Variants in MCCC1 observed in about 807,000 individuals in gnomAD.
The protein encoded by MCCC1 is methylcrotonyl-CoA carboxylase subunit 1.
In MCCC1, 64 loss-of-function variants were observed where a neutral mutation model predicts 83.8. The ratio of observed to expected loss-of-function variants is 0.76; its 90% CI spans 0.62 to 0.94. The LOEUF (loss-of-function observed/expected upper bound fraction) is 0.94. Ranked by LOEUF, MCCC1 falls within the 40% of genes least tolerant of loss-of-function variation. The probability of loss-of-function intolerance (pLI) is 0.00; values close to 1 mark genes in which losing one functional copy is unlikely to be tolerated. For synonymous variants in MCCC1, 322 were observed against 315.4 expected, an observed-to-expected ratio of 1.02 and a Z score of -0.22; for missense variants, 807 against 904.7, an observed-to-expected ratio of 0.89 and a Z score of 1.39.
intron 7 of MCCC1, among the ~76,000 whole-genome samples, chr3:183,063,665 C>A (rs1207658736): frequency 6.6e-6 from 1 of 152,156 alleles, no homozygotes; most frequent in African/African-American, 2.4e-5. Flanking sequence ...GCCCTGAATT[C>A]TTTCTTGTGT....
upstream of MCCC1, among the ~76,000 whole-genome samples, chr3:183,100,162 G>A (rs952498668): frequency 6.6e-6 from 1 of 152,164 alleles, no homozygotes; most frequent in Admixed American, 6.5e-5. Flanking sequence ...ATCAGAAATA[G>A]AGAAAAATGC....
intron 16 of MCCC1, among the ~76,000 whole-genome samples, chr3:183,021,274 GAGTGCAGTGGCAC>G (rs1385364292): frequency 6.6e-6 from 1 of 152,110 alleles, no homozygotes; most frequent in Non-Finnish European, 1.5e-5. Flanking sequence ...ACCCAGGCTG[GAGTGCAGTGGCAC>G]AATCATAGCT....
Position 183,068,988 on chromosome 3 carries a change from T to C in MCCC1, c.761+2011A>G, listed in dbSNP as rs1171041102. Among the ~76,000 whole-genome samples, 8 of 152,332 alleles carry C rather than the reference T, an allele frequency of 5.3e-5. No individual in the cohort carries two copies. The South Asian group carries it at 1.7e-3, about 32-fold the overall frequency. ...GCCTAACAATGCATTTCTCAGAATGTATCTCTGTCATTAAGCAACACATGA... is the reference window on the plus strand; with the variant it reads ...GCCTAACAATGCATTTCTCAGAATGCATCTCTGTCATTAAGCAACACATGA... On this transcript the variant is annotated intron_variant, in intron 7 of 18. Transcript: ENST00000265594.
At chr3:183,071,971 C>A (rs924254250) in intron 5 of MCCC1, among the ~76,000 whole-genome samples, 5 of 150,956 alleles carry the variant, frequency 3.3e-5, no homozygotes, top group Admixed American at 3.3e-4. Context: ...TGGGCTCAAG[C>A]AATCCTCCCA....
At chr3:183,075,622 C>A (rs1717014052) in intron 4 of MCCC1, among the ~76,000 whole-genome samples, 1 of 149,548 alleles carries the variant, frequency 6.7e-6, no homozygotes, top group Non-Finnish European at 1.5e-5. Flanking sequence ...CTCATTGCAA[C>A]CTCTGCTTCC....
chr3:183,040,148 G>A (rs1186687407), intron 11 of MCCC1, among the ~76,000 whole-genome samples: 1 of 138,190 alleles, frequency 7.2e-6, no homozygotes, highest in Non-Finnish European at 1.5e-5. Context: ...GGTGGGGCAA[G>A]CAGAGTTAAG....
chr3:183,024,364 C>A (rs1162393557), intron 15 of MCCC1, among the ~76,000 whole-genome samples: 1 of 152,104 alleles, frequency 6.6e-6, no homozygotes, highest in Non-Finnish European at 1.5e-5. Context: ...ATAATGTTAT[C>A]ACTCTGATGG....
At chr3:183,069,691 T>C (rs1716513576) in intron 7 of MCCC1, among the ~76,000 whole-genome samples, 1 of 152,206 alleles carries the variant, frequency 6.6e-6, no homozygotes, top group African/African-American at 2.4e-5. Context: ...GGTAAATCTC[T>C]TTCCAGTCAT....
chr3:183,100,991 A>G (rs564207946), upstream of MCCC1, among the ~76,000 whole-genome samples: 1,547 of 152,320 alleles, frequency 0.01, 13 homozygotes, highest in Non-Finnish European at 0.014. Flanking sequence ...CGCACTCGGA[A>G]CAGCCAGCCA....
intron 1 of MCCC1, among the ~76,000 whole-genome samples, chr3:183,111,952 C>A (rs1225240254): frequency 6.6e-6 from 1 of 151,874 alleles, no homozygotes; most frequent in African/African-American, 2.4e-5. Flanking sequence ...TAAAATATAT[C>A]GCCATTTTTG....
In MCCC1 at chr3:183,072,420, C is replaced by G. The variant is rs771446149; in HGVS notation, c.437G>C (p.Gly146Ala). The change falls in exon 5 of 19, where the codon GGA (glycine) becomes GCA (alanine). Residue 146 changes from glycine (G) to alanine (A), a missense_variant. Transcript: ENST00000265594. ...MEFAELCKQE[G>A]IIFIGPPPSA... ...TGGAGGAGGGCCTATAAAAATAATT[C>G]CTTCTTGCTTACAAAGTTCAGCAAA... 5 of 1,613,716 alleles carry G rather than the reference C, an allele frequency of 3.1e-6. No homozygotes were observed. The highest frequency in any genetic ancestry group is 4.2e-6 in the Non-Finnish European group (5 of 1,179,830).
At chr3:183,081,872 C>T (rs1717524255) in intron 4 of MCCC1, among the ~76,000 whole-genome samples, 1 of 152,130 alleles carries the variant, frequency 6.6e-6, no homozygotes, top group Admixed American at 6.5e-5. Flanking sequence ...CAGGTGGGAG[C>T]CAGGACACAG....
chr3:183,073,389 A>C (rs1023456306), intron 4 of MCCC1, among the ~76,000 whole-genome samples: 4 of 152,244 alleles, frequency 2.6e-5, no homozygotes, highest in Admixed American at 1.3e-4. Context: ...ACACTAGCTC[A>C]ATAAATACCT....
At chr3:183,086,205 C>G (rs1717878709) in intron 4 of MCCC1, among the ~76,000 whole-genome samples, 1 of 152,212 alleles carries the variant, frequency 6.6e-6, no homozygotes, top group Non-Finnish European at 1.5e-5. Context: ...TCCAACCACA[C>G]TGAACATTCT....
chr3:183,104,426 C>T (rs1280036098), upstream of MCCC1, among the ~76,000 whole-genome samples: 1 of 152,052 alleles, frequency 6.6e-6, no homozygotes, highest in Non-Finnish European at 1.5e-5. Context: ...CCAGAGAAAG[C>T]TTCTCTAAGT....
intron 14 of MCCC1, 71 bp from the exon 15 acceptor site, chr3:183,025,875 G>C (rs1312971325): frequency 9.7e-6 from 13 of 1,343,420 alleles, no homozygotes; most frequent in Non-Finnish European, 1.3e-5. Context: ...GAGATATAAA[G>C]AATCTCACTC....
chr3:183,108,979 TTTTG>T (rs377130313), intron 1 of MCCC1, among the ~76,000 whole-genome samples: 26 of 152,168 alleles, frequency 1.7e-4, no homozygotes, highest in South Asian at 6.2e-4. Context: ...TTGTGGGGTT[TTTTG>T]TTTGTTTGTT....
chr3:183,105,623 G>A (rs578158960), intron 1 of MCCC1, among the ~76,000 whole-genome samples: 8 of 151,946 alleles, frequency 5.3e-5, no homozygotes, highest in East Asian at 3.9e-4. Flanking sequence ...CATCTTTTGC[G>A]TTTCGTACCT....
intron 1 of MCCC1, among the ~76,000 whole-genome samples, chr3:183,108,304 A>T (rs1719439123): frequency 6.6e-6 from 1 of 152,132 alleles, no homozygotes; most frequent in South Asian, 2.1e-4. Flanking sequence ...AGGTTATTAG[A>T]TTTAGGTAAT....
Sources: gnomAD v4.1 joint callset for allele counts (sites outside exome capture counted in the v4.1 genomes callset) on GRCh38, gnomAD v4.1.1 for gene constraint, MANE v1.5 for transcripts, NCBI Gene and HGNC (gene_info 2026-07-23, HGNC 2026-07-21) for gene names.